LRBA: variants seen among roughly 807,000 people sequenced by gnomAD.
LRBA encodes the protein lipopolysaccharide-responsive and beige-like anchor protein.
In LRBA, 176 loss-of-function variants were observed where a neutral mutation model predicts 330.0. The ratio of observed to expected loss-of-function variants is 0.53; its 90% confidence interval spans 0.47 to 0.60. The LOEUF is 0.60. Ranked by LOEUF, LRBA falls within the 20% of genes least tolerant of loss-of-function variation. LRBA has a pLI of 0.00. For synonymous variants in LRBA, 1,230 were observed against 1,193.0 expected (o/e 1.03, Z -0.64); for missense variants, 3,259 against 3,444.8 (o/e 0.95, Z 1.35).
chr4:150,805,605 A>AAAGGAAAGGAAAGGAAAGGAAAGGAAAG (rs1560842972), intron 33 of LRBA, among the ~76,000 whole-genome samples: 1 of 64,042 alleles, frequency 1.6e-5, no homozygotes, highest in African/African-American at 6.3e-5. Context: ...GGAAAGGAAA[A>AAAGGAAAGGAAAGGAAAGGAAAGGAAAG]GAAAGGAAAG....
intron 47 of LRBA, among the ~76,000 whole-genome samples, chr4:150,409,368 G>A (rs1195662976): frequency 6.6e-6 from 1 of 152,042 alleles, no homozygotes; most frequent in Non-Finnish European, 1.5e-5. Flanking sequence ...GAAGCCCTAG[G>A]AAACTAATAA....
chr4:150,396,480 TCACACA>T (rs10641158), intron 47 of LRBA, among the ~76,000 whole-genome samples: 1 of 145,774 alleles, frequency 6.9e-6, no homozygotes, highest in Non-Finnish European at 1.5e-5. Context: ...AAATCTCATC[TCACACA>T]CACACACACA....
At chr4:150,432,047 T>A (rs1334678626) in intron 46 of LRBA, among the ~76,000 whole-genome samples, 1 of 152,090 alleles carries the variant, frequency 6.6e-6, no homozygotes, top group African/African-American at 2.4e-5. Flanking sequence ...AAATAGGGAT[T>A]TTAAGATATT....
At chr4:150,524,812 T>A (rs1234570507) in intron 40 of LRBA, among the ~76,000 whole-genome samples, 1 of 152,124 alleles carries the variant, frequency 6.6e-6, no homozygotes, top group Non-Finnish European at 1.5e-5. Flanking sequence ...GATGCCAAGG[T>A]TTTCTCATAA....
chr4:150,584,067 C>T, intron 40 of LRBA: 2 of 1,563,430 alleles, frequency 1.3e-6, no homozygotes, highest in Non-Finnish European at 1.7e-6. Flanking sequence ...GGAGGTTGGC[C>T]AGGGAAATTC....
Position 150,370,831 on chromosome 4 carries a change from C to T in LRBA, c.7195-20672G>A, listed in dbSNP as rs74767267. ...CAAATTTTCTGTAAGACTAAAACTGCTCCAAAAAATAAAACTGATAATTTT... is the reference window on the plus strand; with the variant it reads ...CAAATTTTCTGTAAGACTAAAACTGTTCCAAAAAATAAAACTGATAATTTT... On this transcript the variant is annotated intron_variant, in intron 47 of 56. Coordinates refer to ENST00000651943, the MANE Select transcript of LRBA (RefSeq NM_001364905.1). Among the ~76,000 whole-genome samples the T allele has an allele frequency of 4.9e-3, 747 of 152,256 alleles. 3 individuals are homozygous for T. The highest frequency in any genetic ancestry group is 6.9e-3 in the Non-Finnish European group (472 of 68,012).
At chr4:150,885,782 C>T (rs1019488420) in intron 17 of LRBA, among the ~76,000 whole-genome samples, 6 of 151,882 alleles carry the variant, frequency 4.0e-5, no homozygotes, top group African/African-American at 1.5e-4. Context: ...CAATGGAGTC[C>T]ACAGGTCAGG....
chr4:150,856,265 T>A (rs1365815195), intron 22 of LRBA, among the ~76,000 whole-genome samples: 1 of 152,196 alleles, frequency 6.6e-6, no homozygotes, highest in Non-Finnish European at 1.5e-5. Context: ...CCACCTCTCC[T>A]GAGTGAAACT....
intron 40 of LRBA, among the ~76,000 whole-genome samples, chr4:150,553,097 G>C (rs2152251246): frequency 6.6e-6 from 1 of 151,606 alleles, no homozygotes; most frequent in Non-Finnish European, 1.5e-5. Flanking sequence ...AGAAAAAAAA[G>C]AAAATGTGGC....
chr4:150,929,400 T>C (rs1734220457), intron 2 of LRBA, among the ~76,000 whole-genome samples: 1 of 152,244 alleles, frequency 6.6e-6, no homozygotes, highest in Non-Finnish European at 1.5e-5. Flanking sequence ...AAGTATCAAA[T>C]CTGTGAACTA....
At chr4:150,991,285 A>G (rs1742054517) in intron 2 of LRBA, among the ~76,000 whole-genome samples, 1 of 152,192 alleles carries the variant, frequency 6.6e-6, no homozygotes, top group African/African-American at 2.4e-5. Context: ...CCACTTTGGA[A>G]AACAGTTTGA....
chr4:150,568,812 C>T lies in LRBA; in HGVS notation c.6330+19236G>A, dbSNP rs543077777. On this transcript the variant is annotated intron_variant, in intron 40 of 56. Transcript: ENST00000651943. ...CTAGTATTCTGGAACTGCACATGAG[C>T]ATTCGGTTTTAAAATGCCTTACAAT... Among the ~76,000 whole-genome samples, 5 of 152,212 alleles carry T rather than the reference C, an allele frequency of 3.3e-5. No individual in the cohort carries two copies. In the East Asian group the frequency reaches 9.7e-4, roughly 29 times the overall value.
intron 36 of LRBA, among the ~76,000 whole-genome samples, chr4:150,709,487 T>G (rs765737213): frequency 6.6e-6 from 1 of 151,980 alleles, no homozygotes; most frequent in Non-Finnish European, 1.5e-5. Context: ...TGAAAATAAT[T>G]CTACCTTGGC....
chr4:150,733,557 C>CTG (rs1206296995), intron 36 of LRBA, among the ~76,000 whole-genome samples: 2 of 51,462 alleles, frequency 3.9e-5, no homozygotes, highest in East Asian at 1.5e-3. Flanking sequence ...CTGATTCTGT[C>CTG]TCTCTCTCTC....
intron 40 of LRBA, among the ~76,000 whole-genome samples, chr4:150,526,827 T>TA (rs1561304742): frequency 6.6e-6 from 1 of 152,114 alleles, no homozygotes; most frequent in Non-Finnish European, 1.5e-5. Flanking sequence ...GCCATTATCA[T>TA]GTATAACAAA....
chr4:150,583,235 T>C lies in LRBA; in HGVS notation c.6330+4813A>G. 1.2e-6 allele frequency: 2 copies of C among 1,614,182 alleles called. No individual in the cohort carries two copies. Among genetic ancestry groups the C allele is most frequent in the Non-Finnish European group, 8.5e-7 (1 of 1,180,028 alleles). On this transcript the variant is annotated intron_variant, in intron 40 of 56. Coordinates refer to ENST00000651943, the MANE Select transcript of LRBA (RefSeq NM_001364905.1). The surrounding 1 kb of genome is among the most constrained non-coding windows in gnomAD (Gnocchi z 9.8). ...GCCCGCTACGAGGGGCTCGAGGTCA[T>C]TTCGCCCACCGAATTTGAGGTGGTG...
At chr4:150,464,194 A>G (rs2152055847) in intron 44 of LRBA, among the ~76,000 whole-genome samples, 1 of 152,186 alleles carries the variant, frequency 6.6e-6, no homozygotes, top group South Asian at 2.1e-4. Flanking sequence ...AATAGAGTCC[A>G]AACTGTGGAT....
At chr4:150,711,630 T>C (rs1201213119) in intron 36 of LRBA, among the ~76,000 whole-genome samples, 1 of 152,226 alleles carries the variant, frequency 6.6e-6, no homozygotes, top group African/African-American at 2.4e-5. Context: ...CAAGTTTATT[T>C]AGTAAGATTC....
chr4:150,905,894 G>T lies in LRBA; in HGVS notation c.1699C>A (p.Gln567Lys). The change falls in exon 13 of 57, where the codon CAA becomes AAA. Residue 567 changes from glutamine to lysine, a missense_variant. Gln to Lys is a moderately conservative substitution (Grantham distance 53). Coordinates refer to ENST00000651943, the MANE Select transcript of LRBA (RefSeq NM_001364905.1). ...NLQNGMPLLK[Q>K]LCDHVLLNPA... ...TTAAGAAGAACGTGATCACACAATT[G>T]CTTGAGCAGGGGCATCCCATTCTGC... The T allele has an allele frequency of 6.2e-7, 1 of 1,613,644 alleles. No homozygotes were observed. Among genetic ancestry groups the T allele is most frequent in the Non-Finnish European group, 8.5e-7 (1 of 1,179,676 alleles).
Sources: allele counts gnomAD v4.1 joint callset (sites outside exome capture counted in the v4.1 genomes callset), GRCh38; gene constraint gnomAD v4.1.1; non-coding constraint Gnocchi (gnomAD v3.1); transcripts MANE v1.5; gene names NCBI Gene and HGNC (gene_info 2026-07-23, HGNC 2026-07-21).